The following ZCCHC14 variants were observed in gnomAD, a reference collection of about 807,000 sequenced individuals.
ZCCHC14 encodes the protein zinc finger CCHC domain-containing protein 14.
In ZCCHC14, 16 loss-of-function variants were observed where a neutral mutation model predicts 85.0. The observed-to-expected ratio is 0.19, with a 90% CI of 0.13 to 0.29. The LOEUF (loss-of-function observed/expected upper bound fraction) is 0.29. Ranked by LOEUF, ZCCHC14 falls within the 10% of genes least tolerant of loss-of-function variation. ZCCHC14 has a pLI of 1.00. For missense variants in ZCCHC14, 1,303 were observed against 1,443.5 expected (o/e 0.90, Z 1.58); for synonymous variants, 775 against 630.7 (o/e 1.23, Z -3.43).
At chr16:87,477,383 A>G (rs1022906279) in intron 1 of ZCCHC14, among the ~76,000 whole-genome samples, 1 of 152,112 alleles carries the variant, frequency 6.6e-6, no homozygotes, top group African/African-American at 2.4e-5. Context: ...GATCCCGCCC[A>G]GGGCCGGCCG....
chr16:87,489,732 C>T (rs767119561), intron 1 of ZCCHC14, among the ~76,000 whole-genome samples: 3 of 152,196 alleles, frequency 2.0e-5, no homozygotes, highest in African/African-American at 7.2e-5. Flanking sequence ...GCCCCTTCAT[C>T]TCATCAAAGG....
chr16:87,417,526 T>C lies in ZCCHC14; in HGVS notation c.1317A>G (p.Leu439=). 1.2e-6 allele frequency: 2 copies of C among 1,614,262 alleles called. No homozygotes were observed. Among genetic ancestry groups the C allele is most frequent in the Non-Finnish European group, 1.7e-6 (2 of 1,180,044 alleles). Residue 439 remains leucine (L), a synonymous_variant, in exon 8 of 13, where the codon CTA becomes CTG. Coordinates refer to ENST00000671377, the MANE Select transcript of ZCCHC14 (RefSeq NM_015144.3). ...TPQTQEQNGI[L]DWLRKLRLHK... ...GCAAACGCAGTTTCCTAAGCCAGTC[T>C]AGAATCCCATTCTGCTCCTGGGTCT...
In ZCCHC14 at chr16:87,419,885, G is replaced by A. The variant is rs1909002137; in HGVS notation, c.951-8C>T. 1.3e-6 allele frequency: 2 copies of A among 1,598,732 alleles called. No individual in the cohort carries two copies. The highest frequency in any genetic ancestry group is 8.5e-7 in the Non-Finnish European group (1 of 1,174,676). Reference sequence around the variant, plus strand: ...GGTAATGAGGCCAGGTACCTAAAAGGCAAACAAGTGGTCTTATCAACATTA... The same window carrying A: ...GGTAATGAGGCCAGGTACCTAAAAGACAAACAAGTGGTCTTATCAACATTA... On this transcript the variant is annotated splice_polypyrimidine_tract_variant and splice_region_variant and intron_variant, in intron 5 of 12. Transcript: ENST00000671377.
At chr16:87,440,463 C>T (rs542013785) in intron 2 of ZCCHC14, among the ~76,000 whole-genome samples, 2 of 152,140 alleles carry the variant, frequency 1.3e-5, no homozygotes, top group Non-Finnish European at 2.9e-5. Context: ...CCGTGCCCAG[C>T]TGATTCTAAA....
At position 87,492,636 on chromosome 16, in the gene ZCCHC14, C is replaced by A; in HGVS notation, c.-398G>T. On this transcript the variant is annotated 5_prime_UTR_variant, in exon 1 of 13. Transcript: ENST00000671377. The surrounding 1 kb of genome is among the most constrained non-coding windows in gnomAD (Gnocchi z 6.7). ...TCGTCGTCGCCCGGGAGGCGGCCGC[C>A]CCCATCTCCCCCCGCGCCGCAGGGT... 1 of 145,888 alleles carries A rather than the reference C, an allele frequency of 6.9e-6. No individual in the cohort carries two copies. The highest frequency in any genetic ancestry group is 1.9e-4 in the South Asian group (1 of 5,144). 9.0% of individuals were successfully genotyped at this position (145,888 alleles called of 1,614,324 possible).
At chr16:87,433,071 G>C in intron 3 of ZCCHC14, 57 bp downstream of exon 3, 1 of 1,542,414 alleles carries the variant, frequency 6.5e-7, no homozygotes, top group Non-Finnish European at 9.0e-7. Context: ...CATCTCCAGG[G>C]TAAGTGTTTT....
chr16:87,489,318 GT>G (rs1174672472), intron 1 of ZCCHC14, among the ~76,000 whole-genome samples: 2 of 152,160 alleles, frequency 1.3e-5, no homozygotes, highest in African/African-American at 2.4e-5. Context: ...GAATCTTCCA[GT>G]TTTCCAAAGA....
At chr16:87,435,580 G>A (rs527506456) in intron 2 of ZCCHC14, among the ~76,000 whole-genome samples, 98 of 152,324 alleles carry the variant, frequency 6.4e-4, no homozygotes, top group Admixed American at 1.2e-3. Flanking sequence ...AACCATCCTC[G>A]CTCGCTCCCC....
Position 87,492,143 on chromosome 16 carries a change from C to G in ZCCHC14, c.96G>C (p.Leu32=). Residue 32 remains leucine, a synonymous_variant, in exon 1 of 13, where the codon CTG becomes CTC. Transcript: ENST00000671377. The surrounding 1 kb of genome is among the most constrained non-coding windows in gnomAD (Gnocchi z 6.7). The part of the protein sequence containing the change: ...SPQRVEFLCG[L]LDLCIPLELR... ...GCTCGAGCGGGATGCACAGGTCCAG[C>G]AGGCCGCACAGGAACTCCACGCGCT... 2 of 1,294,964 alleles carry G rather than the reference C, an allele frequency of 1.5e-6. No homozygotes were observed. The highest frequency in any genetic ancestry group is 3.0e-4 in the Middle Eastern group (1 of 3,340). The allele number at this position is 1,294,964 out of a possible 1,614,324, so 80.2% of individuals were successfully genotyped here.
intron 1 of ZCCHC14, chr16:87,471,737 T>C (rs940581213): frequency 2.0e-5 from 3 of 151,906 alleles, no homozygotes; most frequent in African/African-American, 4.8e-5. Context: ...ACAGAGGGAG[T>C]CTAAAGTCGA....
At chr16:87,474,936 G>C (rs903585692) in intron 1 of ZCCHC14, among the ~76,000 whole-genome samples, 1 of 152,210 alleles carries the variant, frequency 6.6e-6, no homozygotes, top group African/African-American at 2.4e-5. Context: ...TGGAGTTTGA[G>C]TCCAGCCAAA....
At chr16:87,432,847 C>T (rs989018152) in intron 3 of ZCCHC14, among the ~76,000 whole-genome samples, 3 of 152,204 alleles carry the variant, frequency 2.0e-5, no homozygotes, top group East Asian at 1.9e-4. Context: ...CTGCCTCATC[C>T]AGTTCTGCTA....
intron 1 of ZCCHC14, among the ~76,000 whole-genome samples, chr16:87,477,135 A>AC (rs1311612531): frequency 2.8e-5 from 4 of 143,118 alleles, no homozygotes; most frequent in Admixed American, 6.9e-5. Context: ...AAAAAAAAAA[A>AC]AAAAAACAAA....
chr16:87,490,607 G>A (rs1912709301), intron 1 of ZCCHC14, among the ~76,000 whole-genome samples: 1 of 152,236 alleles, frequency 6.6e-6, no homozygotes, highest in Non-Finnish European at 1.5e-5. Flanking sequence ...GGAGACCGGA[G>A]ATCTTTAACC....
intron 1 of ZCCHC14, among the ~76,000 whole-genome samples, chr16:87,477,047 C>A (rs1912039343): frequency 6.9e-6 from 1 of 144,722 alleles, no homozygotes; most frequent in South Asian, 2.3e-4. Context: ...ATTGCTTGAA[C>A]CCAGGAGGCA....
chr16:87,454,169 C>CA (rs575617573), intron 2 of ZCCHC14, among the ~76,000 whole-genome samples: 91 of 152,156 alleles, frequency 6.0e-4, no homozygotes, highest in Non-Finnish European at 1.1e-3. Flanking sequence ...ATCTGTGGGA[C>CA]AAGACCAAAG....
intron 12 of ZCCHC14, among the ~76,000 whole-genome samples, chr16:87,411,163 C>T (rs753976389): frequency 2.6e-5 from 4 of 152,364 alleles, no homozygotes; most frequent in African/African-American, 7.2e-5. Flanking sequence ...TCCGGAATGC[C>T]GATGCGCCAC....
In ZCCHC14 at chr16:87,415,718, T is replaced by C. The variant is rs142140246; in HGVS notation, c.1384-351A>G. 1.2e-3 allele frequency among the ~76,000 whole-genome samples: 190 copies of C among 152,280 alleles called. 1 individual carries two copies. Among genetic ancestry groups the C allele is most frequent in the African/African-American group, 4.5e-3 (186 of 41,538 alleles). ...AGTAAATACCAGCAGGTACATGCTT[T>C]GGGGCAGGTGACTAAAGAAAACGTC... On this transcript the variant is annotated intron_variant, in intron 8 of 12. Transcript: ENST00000671377.
In ZCCHC14 at chr16:87,467,529, G is replaced by C. The variant is rs1911581995; in HGVS notation, c.571-7398C>G. 13 of 1,602,930 alleles carry C rather than the reference G, an allele frequency of 8.1e-6. 1 individual carries two copies. The South Asian group carries it at 1.1e-4, about 14-fold the overall frequency. ...TACAGCATCCCTTTCTCAACAGTAG[G>C]ATCAGAAGCCTATTTTTAATGTCAT... On this transcript the variant is annotated intron_variant, in intron 1 of 12. Transcript: ENST00000671377.
Sources: allele counts gnomAD v4.1 joint callset (sites outside exome capture counted in the v4.1 genomes callset), GRCh38; gene constraint gnomAD v4.1.1; non-coding constraint Gnocchi (gnomAD v3.1); transcripts MANE v1.5; gene names NCBI Gene and HGNC (gene_info 2026-07-23, HGNC 2026-07-21).